PCSK2: variants seen among roughly 807,000 people sequenced by gnomAD.
PCSK2 encodes the protein neuroendocrine convertase 2.
In PCSK2, 14 loss-of-function variants were observed where a neutral mutation model predicts 69.7. The ratio of observed to expected loss-of-function variants is 0.20; its 90% CI spans 0.13 to 0.31. The LOEUF (loss-of-function observed/expected upper bound fraction) is 0.31. Ranked by LOEUF, PCSK2 falls within the 10% of genes least tolerant of loss-of-function variation. PCSK2 has a pLI of 1.00. For synonymous variants in PCSK2, 307 were observed against 320.7 expected (o/e 0.96, Z 0.46); for missense variants, 544 against 842.5 (o/e 0.65, Z 4.39).
In PCSK2 at chr20:17,378,648, G is replaced by A. The variant is rs370006391; in HGVS notation, c.543+9371G>A. On this transcript the variant is annotated intron_variant, in intron 5 of 11. Transcript: ENST00000262545. ...GGATGGATGGATGGATGGATGAATGGATGGATGGATGATTGGATGGATGGA... is the reference window on the plus strand; with the variant it reads ...GGATGGATGGATGGATGGATGAATGAATGGATGGATGATTGGATGGATGGA... Among the ~76,000 whole-genome samples, 468 of 147,058 alleles carry A rather than the reference G, an allele frequency of 3.2e-3. 4 individuals carry two copies. The highest frequency in any genetic ancestry group is 0.011 in the African/African-American group (440 of 39,332).
At chr20:17,313,290 C>T (rs908587726) in intron 2 of PCSK2, among the ~76,000 whole-genome samples, 9 of 152,128 alleles carry the variant, frequency 5.9e-5, no homozygotes, top group Non-Finnish European at 1.3e-4. Flanking sequence ...TCAAAGTCCA[C>T]ACCTGGCCAG....
chr20:17,364,720 A>G (rs2030533691), intron 4 of PCSK2, among the ~76,000 whole-genome samples: 1 of 151,302 alleles, frequency 6.6e-6, no homozygotes, highest in East Asian at 1.9e-4. Flanking sequence ...TGAAGTTGCT[A>G]TTTATCTTTA....
At chr20:17,480,942 G>T (rs1392816469) in intron 11 of PCSK2, among the ~76,000 whole-genome samples, 1 of 152,192 alleles carries the variant, frequency 6.6e-6, no homozygotes, top group African/African-American at 2.4e-5. Context: ...GGAACACGGG[G>T]AGATTCTCGT....
chr20:17,252,034 G>T (rs1987002348), intron 1 of PCSK2, among the ~76,000 whole-genome samples: 1 of 152,190 alleles, frequency 6.6e-6, no homozygotes, highest in Non-Finnish European at 1.5e-5. Flanking sequence ...TTCTTAAATT[G>T]TAGGTCAGGA....
intron 10 of PCSK2, 90 bp from the exon 11 acceptor site, chr20:17,465,236 G>A: frequency 1.1e-6 from 1 of 887,172 alleles, no homozygotes; most frequent in Non-Finnish European, 1.8e-6. Context: ...TCTGTGTCCT[G>A]AGTAATATTT....
At chr20:17,441,206 C>T (rs972974314) in intron 8 of PCSK2, among the ~76,000 whole-genome samples, 3 of 152,182 alleles carry the variant, frequency 2.0e-5, no homozygotes, top group Non-Finnish European at 4.4e-5. Context: ...GCCCTTGATG[C>T]TTTCAGGGAA....
chr20:17,312,890 G>A (rs1047354090), intron 2 of PCSK2, among the ~76,000 whole-genome samples: 5 of 152,190 alleles, frequency 3.3e-5, no homozygotes, highest in African/African-American at 7.2e-5. Context: ...AGTCTTTCCC[G>A]TCTCTTTTCA....
intron 8 of PCSK2, among the ~76,000 whole-genome samples, chr20:17,441,712 A>C (rs1464094157): frequency 1.3e-5 from 2 of 152,020 alleles, no homozygotes; most frequent in African/African-American, 4.8e-5. Flanking sequence ...ATTCACTATC[A>C]AGAGAACAGC....
At chr20:17,405,621 G>A (rs190000359) in intron 5 of PCSK2, among the ~76,000 whole-genome samples, 28 of 152,312 alleles carry the variant, frequency 1.8e-4, no homozygotes, top group East Asian at 1.7e-3. Flanking sequence ...CTTTCTTAGC[G>A]TGGTGCAGGC....
Position 17,347,293 on chromosome 20 carries a change from C to T in PCSK2, c.283-11034C>T, listed in dbSNP as rs138804735. On this transcript the variant is annotated intron_variant, in intron 2 of 11. Coordinates refer to ENST00000262545, the MANE Select transcript of PCSK2 (RefSeq NM_002594.5). ...CCTGTCTGCTGCCTGCTCCCTCCCT[C>T]CTGGCATCTGACTGCCATGGGCCAA... 1.8e-3 allele frequency among the ~76,000 whole-genome samples: 268 copies of T among 152,328 alleles called. 2 individuals carry two copies. The highest frequency in any genetic ancestry group is 5.5e-3 in the African/African-American group (228 of 41,586).
At chr20:17,268,063 A>ATATATATATATAATATATATATAT in intron 2 of PCSK2, among the ~76,000 whole-genome samples, 1 of 145,472 alleles carries the variant, frequency 6.9e-6, no homozygotes, top group Middle Eastern at 3.6e-3. Flanking sequence ...ATATATATAT[A>ATATATATATATAATATATATATAT]ATGCATTTAT....
At chr20:17,474,359 G>A (rs1287885284) in intron 11 of PCSK2, among the ~76,000 whole-genome samples, 1 of 152,076 alleles carries the variant, frequency 6.6e-6, no homozygotes, top group African/African-American at 2.4e-5. Flanking sequence ...AGTGTCCAAG[G>A]CTTCTAGGAA....
chr20:17,396,239 G>A (rs1180262790), intron 5 of PCSK2, among the ~76,000 whole-genome samples: 1 of 152,150 alleles, frequency 6.6e-6, no homozygotes, highest in African/African-American at 2.4e-5. Context: ...ACCCTTGACT[G>A]TACACCCAGT....
At chr20:17,366,608 A>G (rs767262280) in intron 4 of PCSK2, among the ~76,000 whole-genome samples, 51 of 152,254 alleles carry the variant, frequency 3.3e-4, no homozygotes, top group Non-Finnish European at 5.7e-4. Context: ...TTAAAAGATA[A>G]TCAAATATAC....
At chr20:17,315,249 T>A (rs2123119139) in intron 2 of PCSK2, among the ~76,000 whole-genome samples, 1 of 152,044 alleles carries the variant, frequency 6.6e-6, no homozygotes, top group Admixed American at 6.5e-5. Flanking sequence ...GTGTGTGTCT[T>A]CCTGAGTGTG....
chr20:17,233,109 A>G (rs116463633), intron 1 of PCSK2, among the ~76,000 whole-genome samples: 5 of 152,270 alleles, frequency 3.3e-5, no homozygotes, highest in South Asian at 2.1e-4. Flanking sequence ...ACTGTCCCCA[A>G]TACACCTCTT....
At chr20:17,333,133 G>T (rs1003755245) in intron 2 of PCSK2, among the ~76,000 whole-genome samples, 1 of 152,002 alleles carries the variant, frequency 6.6e-6, no homozygotes, top group Non-Finnish European at 1.5e-5. Flanking sequence ...AACACATACT[G>T]AAGTTTTTTA....
chr20:17,392,996 A>G (rs891687365), intron 5 of PCSK2, among the ~76,000 whole-genome samples: 2 of 152,202 alleles, frequency 1.3e-5, no homozygotes, highest in East Asian at 1.9e-4. Flanking sequence ...CCTCAGAGTC[A>G]TGGAGCCTAG....
chr20:17,280,969 G>A (rs1192768556), intron 2 of PCSK2, among the ~76,000 whole-genome samples: 2 of 152,140 alleles, frequency 1.3e-5, no homozygotes, highest in African/African-American at 4.8e-5. Flanking sequence ...GGTCTTTCAA[G>A]CAATATGACT....
Sources: allele counts gnomAD v4.1 joint callset (sites outside exome capture counted in the v4.1 genomes callset), GRCh38; gene constraint gnomAD v4.1.1; transcripts MANE v1.5; gene names NCBI Gene and HGNC (gene_info 2026-07-23, HGNC 2026-07-21).